THADA: variants seen among roughly 807,000 people sequenced by gnomAD.
THADA encodes tRNA (32-2'-O)-methyltransferase regulator THADA.
In THADA, 213 loss-of-function variants were observed where a neutral mutation model predicts 219.8. That is an observed-to-expected ratio of 0.97 (90% CI 0.87 to 1.09). THADA has a LOEUF of 1.09. Among genes scored for constraint, THADA ranks in the 50% least tolerant of loss-of-function variants. The pLI, the probability that THADA is intolerant of heterozygous loss-of-function variation, is 0.00. For synonymous variants in THADA, 1,018 were observed against 828.9 expected, an observed-to-expected ratio of 1.23 and a Z score of -3.92; for missense variants, 2,956 against 2,311.3, an observed-to-expected ratio of 1.28 and a Z score of -5.72.
Position 43,337,440 on chromosome 2 carries a change from A to G in THADA, c.4343+6682T>C, listed in dbSNP as rs538905540. On this transcript the variant is annotated intron_variant, in intron 30 of 37. Coordinates refer to ENST00000405975, the MANE Select transcript of THADA (RefSeq NM_022065.5). ...CAGTTTTGAGAAGAGTTAATGAAATAATATTTACAAATCTCCTCATACGAA... is the reference window on the plus strand; with the variant it reads ...CAGTTTTGAGAAGAGTTAATGAAATGATATTTACAAATCTCCTCATACGAA... Among the ~76,000 whole-genome samples the G allele has an allele frequency of 8.2e-4, 125 of 152,326 alleles. 1 individual carries two copies. In the South Asian group the frequency reaches 8.3e-3, roughly 10 times the overall value.
chr2:43,366,290 T>TA (rs1409098955), intron 29 of THADA, among the ~76,000 whole-genome samples: 28 of 152,346 alleles, frequency 1.8e-4, no homozygotes, highest in African/African-American at 6.3e-4. Flanking sequence ...TACTGTCTAA[T>TA]GAACTGTACA....
intron 22 of THADA, among the ~76,000 whole-genome samples, chr2:43,520,210 G>A (rs1025134635): frequency 1.3e-5 from 2 of 152,150 alleles, no homozygotes; most frequent in African/African-American, 4.8e-5. Flanking sequence ...GTTAGTGAAT[G>A]CCTTTCCACT....
chr2:43,251,279 C>T (rs117236572), intron 36 of THADA, among the ~76,000 whole-genome samples: 4 of 152,198 alleles, frequency 2.6e-5, no homozygotes, highest in Admixed American at 1.3e-4. Flanking sequence ...CAGAACCACT[C>T]GTCTGGTTTC....
In THADA at chr2:43,428,168, G is replaced by A. The variant is rs768463128; in HGVS notation, c.3990C>T (p.Leu1330=). ...MFLLLLVLER[L]YASPMDGTSS... ...AAGTACCATCCATCGGGGAAGCGTA[G>A]AGTCTCTCCAACACCAAAAGTAAGA... Residue 1330 remains leucine (L), a synonymous_variant, in exon 28 of 38, where the codon CTC becomes CTT. Transcript: ENST00000405975. 1.2e-6 allele frequency: 2 copies of A among 1,610,016 alleles called. No homozygotes were observed. Among genetic ancestry groups the A allele is most frequent in the Non-Finnish European group, 1.7e-6 (2 of 1,177,782 alleles).
chr2:43,400,679 A>T (rs982226595), intron 28 of THADA, among the ~76,000 whole-genome samples: 2 of 151,970 alleles, frequency 1.3e-5, no homozygotes, highest in Admixed American at 6.6e-5. Context: ...AGTACAGTTA[A>T]GAATGGTGGC....
At chr2:43,488,076 G>T (rs924069697) in intron 25 of THADA, among the ~76,000 whole-genome samples, 3 of 152,080 alleles carry the variant, frequency 2.0e-5, no homozygotes, top group Non-Finnish European at 2.9e-5. Context: ...AGTTAGTAAA[G>T]AATTATTTCC....
chr2:43,258,686 C>T (rs1197554080), intron 36 of THADA, among the ~76,000 whole-genome samples: 6 of 152,190 alleles, frequency 3.9e-5, no homozygotes, highest in Non-Finnish European at 1.5e-5. Context: ...AATATTTACA[C>T]TGAGGGCCAG....
intron 36 of THADA, among the ~76,000 whole-genome samples, chr2:43,248,216 C>CAG (rs1265680923): frequency 1.2e-5 from 1 of 83,246 alleles, no homozygotes; most frequent in South Asian, 4.2e-4. Flanking sequence ...GAGAGAGAGA[C>CAG]AGAGAGAGAG....
chr2:43,574,701 T>C lies in THADA; in HGVS notation c.1364A>G (p.Tyr455Cys), dbSNP rs753593586. ...LRLEWHIKGKYTCLGCLVECI... is the reference protein window; with the variant it reads ...LRLEWHIKGKCTCLGCLVECI... ...CTCTACCAAACAACCAAGGCACGTG[T>C]ACTTTCCTTTAATATGCCATTCCAA... is the stretch of plus-strand genomic sequence containing the variant. The change falls in exon 11 of 38, where the codon TAC becomes TGC. Residue 455 changes from tyrosine (Y) to cysteine (C), a missense_variant. Transcript: ENST00000405975. The C allele has an allele frequency of 7.4e-6, 12 of 1,614,060 alleles. No individual in the cohort carries two copies. In the East Asian group the frequency reaches 2.5e-4, roughly 33 times the overall value.
intron 26 of THADA, among the ~76,000 whole-genome samples, chr2:43,440,224 T>G (rs1321476972): frequency 6.6e-6 from 1 of 151,962 alleles, no homozygotes; most frequent in African/African-American, 2.4e-5. Flanking sequence ...GCACCTTGAG[T>G]TTTTTTTCAC....
At chr2:43,462,323 A>T (rs1683733779) in intron 26 of THADA, among the ~76,000 whole-genome samples, 1 of 152,210 alleles carries the variant, frequency 6.6e-6, no homozygotes, top group Admixed American at 6.5e-5. Flanking sequence ...AAAAATGTCC[A>T]TGAAAGCCAT....
chr2:43,277,574 T>C (rs189700602), intron 36 of THADA, among the ~76,000 whole-genome samples: 49 of 152,344 alleles, frequency 3.2e-4, no homozygotes, highest in Non-Finnish European at 6.5e-4. Flanking sequence ...AGAGCAGAGC[T>C]CTGTCTGCAT....
rs920343230 is a variant in THADA, at chr2:43,458,487, A to G, written c.3836+26747T>C. 5.3e-5 allele frequency among the ~76,000 whole-genome samples: 8 copies of G among 152,194 alleles called. No individual in the cohort carries two copies. The East Asian group carries it at 5.8e-4, about 11-fold the overall frequency. ...TACCTAACCAAATTAACTTCCTCAC[A>G]TGGTTACCATTAGGATCAAATGAGA... is the stretch of plus-strand genomic sequence containing the variant. On this transcript the variant is annotated intron_variant, in intron 26 of 37. Transcript: ENST00000405975.
chr2:43,541,143 T>G lies in THADA; in HGVS notation c.3264+16A>C, dbSNP rs1398551020. The G allele has an allele frequency of 6.6e-7, 1 of 1,511,534 alleles. No individual in the cohort carries two copies. 93.6% of individuals were successfully genotyped at this position (1,511,534 alleles called of 1,614,324 possible). ...TGACCAGAAATTATACATGGTGGAA[T>G]AAACATGTGCCTTACCTGCTCCACC... On this transcript the variant is annotated intron_variant, in intron 21 of 37. Coordinates refer to ENST00000405975, the MANE Select transcript of THADA (RefSeq NM_022065.5).
At chr2:43,451,424 A>G (rs893013968) in intron 26 of THADA, among the ~76,000 whole-genome samples, 2 of 152,180 alleles carry the variant, frequency 1.3e-5, no homozygotes, top group African/African-American at 4.8e-5. Flanking sequence ...TACCAATTTT[A>G]CTTTTTCATA....
At chr2:43,276,867 G>A (rs906710380) in intron 36 of THADA, among the ~76,000 whole-genome samples, 1 of 152,116 alleles carries the variant, frequency 6.6e-6, no homozygotes, top group African/African-American at 2.4e-5. Flanking sequence ...GGCATGCCTT[G>A]TTATTTTCCC....
chr2:43,438,967 GATGTGAGATTTTATC>G (rs1432192706), intron 26 of THADA, among the ~76,000 whole-genome samples: 1 of 152,178 alleles, frequency 6.6e-6, no homozygotes, highest in African/African-American at 2.4e-5. Context: ...TTCTTGTGAT[GATGTGAGATTTTATC>G]ATGTGAGATA....
In THADA at chr2:43,527,988, C is replaced by T. The variant is rs1471935081; in HGVS notation, c.3265G>A (p.Val1089Ile). 4 of 1,603,648 alleles carry T rather than the reference C, an allele frequency of 2.5e-6. No individual in the cohort carries two copies. Among genetic ancestry groups the T allele is most frequent in the Non-Finnish European group, 3.4e-6 (4 of 1,174,482 alleles). ...SSDGLLTVEQVKEIGDYFKQH... is the reference protein window; with the variant it reads ...SSDGLLTVEQIKEIGDYFKQH... ...TTAAAGTAATCTCCTATTTCTTTTACCTTTAAAAAAAAAGCAAAAACAAAT... is the reference window on the plus strand; with the variant it reads ...TTAAAGTAATCTCCTATTTCTTTTATCTTTAAAAAAAAAGCAAAAACAAAT... Residue 1089 changes from valine (V) to isoleucine (I), a missense_variant and splice_region_variant, in exon 22 of 38, where the codon GTA becomes ATA. Physicochemically the swap from Val to Ile is conservative, Grantham distance 29. Coordinates refer to ENST00000405975, the MANE Select transcript of THADA (RefSeq NM_022065.5).
intron 31 of THADA, among the ~76,000 whole-genome samples, chr2:43,299,505 T>C (rs1199533933): frequency 6.8e-6 from 1 of 146,260 alleles, no homozygotes; most frequent in Non-Finnish European, 1.5e-5. Context: ...CTAAAAAAAA[T>C]ACAAAAATTA....
Sources: allele counts gnomAD v4.1 joint callset (sites outside exome capture counted in the v4.1 genomes callset), GRCh38; gene constraint gnomAD v4.1.1; transcripts MANE v1.5; gene names NCBI Gene and HGNC (gene_info 2026-07-23, HGNC 2026-07-21).